Variants in SGPP2 observed in about 807,000 individuals in gnomAD.
The protein encoded by SGPP2 is sphingosine 1-phosphate phosphohydrolase 2.
In SGPP2, 30 loss-of-function variants were observed where a neutral mutation model predicts 33.9. The observed-to-expected ratio is 0.89, with a 90% confidence interval of 0.66 to 1.20. The LOEUF (loss-of-function observed/expected upper bound fraction) is 1.20. Among genes scored for constraint, SGPP2 ranks in the 50% most tolerant of loss-of-function variants. SGPP2 has a pLI of 0.00. For missense variants in SGPP2, 458 were observed against 532.1 expected (o/e 0.86, Z 1.37); for synonymous variants, 233 against 225.0 (o/e 1.04, Z -0.32).
intron 4 of SGPP2, among the ~76,000 whole-genome samples, chr2:222,545,020 A>G (rs1489746990): frequency 6.6e-6 from 1 of 152,182 alleles, no homozygotes; most frequent in Non-Finnish European, 1.5e-5. Context: ...ATAGCTAATG[A>G]AAAATAAAAG....
intron 4 of SGPP2, among the ~76,000 whole-genome samples, chr2:222,552,220 A>G (rs376990291): frequency 1.3e-5 from 2 of 152,196 alleles, no homozygotes; most frequent in East Asian, 3.8e-4. Context: ...CTCTGGGTGG[A>G]TACCCAGTAG....
At chr2:222,552,796 G>A (rs1472114466) in intron 4 of SGPP2, among the ~76,000 whole-genome samples, 1 of 152,176 alleles carries the variant, frequency 6.6e-6, no homozygotes, top group African/African-American at 2.4e-5. Context: ...GGAGGCAGAG[G>A]TTGTGGTGAG....
intron 4 of SGPP2, among the ~76,000 whole-genome samples, chr2:222,543,239 T>G (rs73991492): frequency 0.04 from 6,045 of 152,362 alleles, 200 homozygotes; most frequent in African/African-American, 0.085. Flanking sequence ...TGAATTGATC[T>G]GTGATTCCTT....
At chr2:222,528,479 A>G (rs907024994) in intron 4 of SGPP2, among the ~76,000 whole-genome samples, 3 of 152,206 alleles carry the variant, frequency 2.0e-5, no homozygotes, top group Admixed American at 6.5e-5. Flanking sequence ...GAAATAATTT[A>G]CTGCTAAAAA....
At position 222,477,655 on chromosome 2, in the gene SGPP2, GAGA is replaced by G. The variant is rs1697967657; in HGVS notation, c.378+2932_378+2934del. Among the ~76,000 whole-genome samples, 1 of 151,916 alleles carries G rather than the reference GAGA, an allele frequency of 6.6e-6. No homozygotes were observed. Among genetic ancestry groups the G allele is most frequent in the African/African-American group, 2.4e-5 (1 of 41,326 alleles). ...ATAATTGTTGAGTGGGGCAGATGAT[GAGA>G]AGTACATTACACAGGAATATCTTAT... is the stretch of plus-strand genomic sequence containing the variant. On this transcript the variant is annotated intron_variant, in intron 2 of 4. Transcript: ENST00000321276. The surrounding 1 kb of genome is among the most constrained non-coding windows in gnomAD (Gnocchi z 6.0).
chr2:222,472,835 C>T (rs544646960), intron 1 of SGPP2, among the ~76,000 whole-genome samples: 3 of 152,182 alleles, frequency 2.0e-5, no homozygotes, highest in South Asian at 2.1e-4. Flanking sequence ...GCCAACTTGG[C>T]GAAACCCCGT....
chr2:222,527,836 G>A (rs1179754536), intron 4 of SGPP2, among the ~76,000 whole-genome samples: 1 of 152,172 alleles, frequency 6.6e-6, no homozygotes, highest in Non-Finnish European at 1.5e-5. Flanking sequence ...TTAATAGTAG[G>A]ATAAGGTAGA....
At chr2:222,519,005 T>C (rs1226289941) in intron 2 of SGPP2, among the ~76,000 whole-genome samples, 1 of 152,208 alleles carries the variant, frequency 6.6e-6, no homozygotes, top group Non-Finnish European at 1.5e-5. Flanking sequence ...TAATCAAAAT[T>C]ATTTTGAAAT....
intron 2 of SGPP2, among the ~76,000 whole-genome samples, chr2:222,517,940 T>C (rs1698630810): frequency 6.6e-6 from 1 of 152,256 alleles, no homozygotes; most frequent in African/African-American, 2.4e-5. Context: ...CACATACTCA[T>C]AGAATTCTGT....
rs572067979 is a variant in SGPP2 at position 222,487,621 on chromosome 2, G to A, written c.378+12895G>A. On this transcript the variant is annotated intron_variant, in intron 2 of 4. Coordinates refer to ENST00000321276, the MANE Select transcript of SGPP2 (RefSeq NM_152386.4). Reference sequence around the variant, plus strand: ...ACTAGAGAAGACACCAGGTTCAGGAGGCCAAAGAAGAGACCTGGAGTGAGC... The same window carrying A: ...ACTAGAGAAGACACCAGGTTCAGGAAGCCAAAGAAGAGACCTGGAGTGAGC... 3.9e-5 allele frequency among the ~76,000 whole-genome samples: 6 copies of A among 152,270 alleles called. No homozygotes were observed. The East Asian group carries it at 9.7e-4, about 25-fold the overall frequency.
intron 1 of SGPP2, among the ~76,000 whole-genome samples, chr2:222,428,415 T>C (rs1218159561): frequency 6.6e-6 from 1 of 152,240 alleles, no homozygotes; most frequent in Non-Finnish European, 1.5e-5. Context: ...AATACAGTTG[T>C]ATTTAGTTAG....
intron 1 of SGPP2, among the ~76,000 whole-genome samples, chr2:222,462,808 G>GA (rs999930962): frequency 1.6e-4 from 24 of 151,582 alleles, no homozygotes; most frequent in East Asian, 5.8e-4. Context: ...GTGTTAATCA[G>GA]AAAAAAAATT....
At chr2:222,523,939 G>A (rs911679610) in intron 3 of SGPP2, among the ~76,000 whole-genome samples, 1 of 152,116 alleles carries the variant, frequency 6.6e-6, no homozygotes, top group African/African-American at 2.4e-5. Flanking sequence ...TGGTACTCAT[G>A]TGTTACAAGG....
intron 1 of SGPP2, among the ~76,000 whole-genome samples, chr2:222,433,027 GAA>G (rs1697179778): frequency 7.9e-6 from 1 of 126,284 alleles, no homozygotes. Context: ...GAAAAAGAAA[GAA>G]AGAGAGAAAG....
rs1314181877 is a variant in SGPP2 at position 222,550,053 on chromosome 2, A to AT, written c.649-8288dup. ...CACCACGTCTGGTTAATTTTTTTGT[A>AT]TTTTTTGGTAGAGACAGGGTTTCAC... is the stretch of plus-strand genomic sequence containing the variant. On this transcript the variant is annotated intron_variant, in intron 4 of 4. Transcript: ENST00000321276. This position sits in a 1 kb window ranked among gnomAD's most constrained non-coding sequence, Gnocchi z 4.5. 1.3e-5 allele frequency among the ~76,000 whole-genome samples: 2 copies of AT among 151,522 alleles called. No individual in the cohort carries two copies. The highest frequency in any genetic ancestry group is 4.9e-5 in the African/African-American group (2 of 41,232).
At chr2:222,551,164 T>A (rs983072960) in intron 4 of SGPP2, among the ~76,000 whole-genome samples, 2 of 152,188 alleles carry the variant, frequency 1.3e-5, no homozygotes, top group African/African-American at 2.4e-5. Flanking sequence ...CCATCTGCAC[T>A]CTTTCCTCTC....
chr2:222,438,570 A>C (rs1311443780), intron 1 of SGPP2, among the ~76,000 whole-genome samples: 1 of 152,248 alleles, frequency 6.6e-6, no homozygotes, highest in African/African-American at 2.4e-5. Flanking sequence ...GGCAGTTGCC[A>C]AGTCAGTGGT....
At chr2:222,509,053 A>G (rs1465184088) in intron 2 of SGPP2, among the ~76,000 whole-genome samples, 2 of 152,198 alleles carry the variant, frequency 1.3e-5, no homozygotes, top group Non-Finnish European at 1.5e-5. Context: ...GTTTCCAAAT[A>G]ACCATCACCA....
intron 1 of SGPP2, among the ~76,000 whole-genome samples, chr2:222,440,606 G>T (rs1250718765): frequency 6.6e-6 from 1 of 152,062 alleles, no homozygotes; most frequent in Non-Finnish European, 1.5e-5. Flanking sequence ...CTCCCAAAGT[G>T]CTGGGTTTAC....
Sources: allele counts gnomAD v4.1 joint callset (sites outside exome capture counted in the v4.1 genomes callset), GRCh38; gene constraint gnomAD v4.1.1; non-coding constraint Gnocchi (gnomAD v3.1); transcripts MANE v1.5; gene names NCBI Gene and HGNC (gene_info 2026-07-23, HGNC 2026-07-21).